ROBO2: variants seen among roughly 807,000 people sequenced by gnomAD.
ROBO2 encodes the protein roundabout guidance receptor 2, also known as roundabout homolog 2.
In ROBO2, 53 loss-of-function variants were observed where a neutral mutation model predicts 160.8. The observed-to-expected ratio is 0.33, with a 90% CI of 0.26 to 0.41. The LOEUF (loss-of-function observed/expected upper bound fraction) is 0.41. Among genes scored for constraint, ROBO2 ranks in the 10% least tolerant of loss-of-function variants. The probability of loss-of-function intolerance (pLI) is 1.00; values close to 1 mark genes in which losing one functional copy is unlikely to be tolerated. For synonymous variants in ROBO2, 664 were observed against 611.7 expected (o/e 1.09, Z -1.26); for missense variants, 1,577 against 1,722.4 (o/e 0.92, Z 1.49).
rs538830033 is a variant in ROBO2 at position 77,610,927 on chromosome 3, TC to T, written c.3293+2975del. On this transcript the variant is annotated intron_variant, in intron 21 of 25. Coordinates refer to ENST00000461745, the Ensembl canonical transcript of ROBO2. ...AAAGCTTGCTCCTCTATTGTAGTAC[TC>T]CTCATATTGCACTTAACTGCTTGTC... 2.9e-3 allele frequency among the ~76,000 whole-genome samples: 443 copies of T among 152,108 alleles called. 2 individuals are homozygous for T. The highest frequency in any genetic ancestry group is 1.0e-2 in the African/African-American group (413 of 41,504).
intron 2 of ROBO2, among the ~76,000 whole-genome samples, chr3:76,194,369 T>TAC (rs1243311458): frequency 8.2e-5 from 10 of 121,542 alleles, no homozygotes; most frequent in African/African-American, 3.4e-4. Context: ...TATATATATA[T>TAC]ATATATATAT....
intron 2 of ROBO2, among the ~76,000 whole-genome samples, chr3:77,239,623 G>A (rs2088660149): frequency 6.6e-6 from 1 of 152,100 alleles, no homozygotes; most frequent in African/African-American, 2.4e-5. Context: ...ATTTTGACAG[G>A]GTGCCGATTG....
At chr3:76,040,119 G>C (rs1041144319) in intron 2 of ROBO2, among the ~76,000 whole-genome samples, 2 of 151,584 alleles carry the variant, frequency 1.3e-5, no homozygotes, top group African/African-American at 2.4e-5. Context: ...TTCATCTCTA[G>C]GTCTCTTTCA....
chr3:77,203,850 T>A (rs1463333363), intron 2 of ROBO2, among the ~76,000 whole-genome samples: 1 of 152,200 alleles, frequency 6.6e-6, no homozygotes, highest in Non-Finnish European at 1.5e-5. Flanking sequence ...CAAACTGAAG[T>A]ACAAGTGAAT....
At chr3:75,971,819 G>A (rs150281921) in intron 2 of ROBO2, among the ~76,000 whole-genome samples, 163 of 151,320 alleles carry the variant, frequency 1.1e-3, no homozygotes, top group Middle Eastern at 3.4e-3. Flanking sequence ...TCACAAAAAG[G>A]GTTGCTACAA....
intron 2 of ROBO2, among the ~76,000 whole-genome samples, chr3:76,968,392 T>TTGTGTGGAGCTCTCACAATGATCTA (rs2059411976): frequency 6.6e-6 from 1 of 152,142 alleles, no homozygotes; most frequent in South Asian, 2.1e-4. Context: ...GATATTAAAA[T>TTGTGTGGAGCTCTCACAATGATCTA]TGTGTGGAGC....
At chr3:76,657,349 C>T (rs1183258558) in intron 2 of ROBO2, among the ~76,000 whole-genome samples, 1 of 151,736 alleles carries the variant, frequency 6.6e-6, no homozygotes, top group Non-Finnish European at 1.5e-5. Context: ...GGCGTGAACC[C>T]CGGAGGCCAA....
At chr3:76,405,017 A>G (rs1228432486) in intron 2 of ROBO2, among the ~76,000 whole-genome samples, 2 of 151,624 alleles carry the variant, frequency 1.3e-5, no homozygotes, top group African/African-American at 2.4e-5. Context: ...TTTTGACAGG[A>G]TGAAATGGGG....
chr3:76,546,789 G>GT (rs112806399), intron 2 of ROBO2, among the ~76,000 whole-genome samples: 4,464 of 148,876 alleles, frequency 0.03, 197 homozygotes, highest in African/African-American at 0.095. Context: ...TCTAACACGA[G>GT]TTTTTTTTTT....
chr3:76,709,563 C>T (rs1471423138), intron 2 of ROBO2, among the ~76,000 whole-genome samples: 1 of 152,100 alleles, frequency 6.6e-6, no homozygotes, highest in Non-Finnish European at 1.5e-5. Flanking sequence ...TACTTGGACA[C>T]ATTATTGTCA....
chr3:76,363,081 A>C (rs7618070), intron 2 of ROBO2, among the ~76,000 whole-genome samples: 1 of 151,924 alleles, frequency 6.6e-6, no homozygotes. Context: ...GGAATTTGTG[A>C]ATTGCTTCAT....
intron 2 of ROBO2, chr3:76,434,233 G>T (rs2076565249): frequency 1.9e-6 from 2 of 1,027,720 alleles, no homozygotes; most frequent in African/African-American, 3.1e-5. Flanking sequence ...GTCCACACAG[G>T]TTTGACGTTG....
chr3:77,486,183 G>A (rs181431307), intron 4 of ROBO2, among the ~76,000 whole-genome samples: 84 of 150,026 alleles, frequency 5.6e-4, no homozygotes, highest in Non-Finnish European at 9.9e-4. Context: ...GTCCATGATG[G>A]GCATTTGGGT....
At chr3:76,414,104 C>G (rs2075635362) in intron 2 of ROBO2, among the ~76,000 whole-genome samples, 1 of 151,996 alleles carries the variant, frequency 6.6e-6, no homozygotes, top group South Asian at 2.1e-4. Flanking sequence ...TATTCACTAT[C>G]TTAAGAATAG....
intron 2 of ROBO2, among the ~76,000 whole-genome samples, chr3:76,044,385 A>G (rs1576613419): frequency 6.6e-6 from 1 of 152,062 alleles, no homozygotes; most frequent in Admixed American, 6.5e-5. Flanking sequence ...AGAACTCTCC[A>G]TAATTCATAT....
At chr3:76,297,299 A>AACACACCT (rs2107725858) in intron 2 of ROBO2, among the ~76,000 whole-genome samples, 1 of 152,334 alleles carries the variant, frequency 6.6e-6, no homozygotes, top group East Asian at 1.9e-4. Context: ...AAGAAGAGTT[A>AACACACCT]ACACACCTAC....
intron 2 of ROBO2, among the ~76,000 whole-genome samples, chr3:76,590,946 T>A (rs2086378135): frequency 1.3e-5 from 2 of 152,128 alleles, no homozygotes; most frequent in Admixed American, 1.3e-4. Context: ...AAAATGATGA[T>A]GATAAACGAT....
intron 17 of ROBO2, 66 bp from the exon 19 acceptor site, chr3:77,595,076 G>A (rs184173496): frequency 1.1e-5 from 14 of 1,259,186 alleles, no homozygotes; most frequent in African/African-American, 1.5e-5. Context: ...ATATGTAGTT[G>A]TTATTAATTG....
chr3:77,640,103 T>A (rs2095326636), intron 24 of ROBO2, among the ~76,000 whole-genome samples: 1 of 50,828 alleles, frequency 2.0e-5, no homozygotes, highest in Non-Finnish European at 3.8e-5. Flanking sequence ...AAGCATTTTT[T>A]TTTTTTTTTT....
Sources: gnomAD v4.1 joint callset for allele counts (sites outside exome capture counted in the v4.1 genomes callset) on GRCh38, gnomAD v4.1.1 for gene constraint, MANE v1.5 for transcripts, NCBI Gene and HGNC (gene_info 2026-07-23, HGNC 2026-07-21) for gene names.